The following SHISA9 variants were observed in gnomAD, a reference collection of about 807,000 sequenced individuals.
The protein encoded by SHISA9 is shisa family member 9, also known as protein shisa-9.
In SHISA9, 13 loss-of-function variants were observed where a neutral mutation model predicts 38.0. The observed-to-expected ratio is 0.34, with a 90% confidence interval of 0.22 to 0.54. The LOEUF (loss-of-function observed/expected upper bound fraction) is 0.54. Ranked by LOEUF, SHISA9 falls within the 20% of genes least tolerant of loss-of-function variation. The pLI is 0.91. For synonymous variants in SHISA9, 275 were observed against 242.0 expected (o/e 1.14, Z -1.27); for missense variants, 538 against 575.8 (o/e 0.93, Z 0.67).
At chr16:13,456,209 G>A in the SHISA9 span, among the ~76,000 whole-genome samples, 3 of 152,172 alleles carry the variant, frequency 2.0e-5, no homozygotes, top group Non-Finnish European at 4.4e-5. Flanking sequence ...CGGGACACAT[G>A]ACGGGACTTT....
intron 4 of SHISA9, among the ~76,000 whole-genome samples, chr16:13,220,220 G>A (rs1033058917): frequency 7.9e-5 from 12 of 152,196 alleles, no homozygotes; most frequent in Admixed American, 5.9e-4. Flanking sequence ...CTCTCTGGGA[G>A]TTGGCTGGAT....
chr16:13,108,305 T>C (rs1299511854), intron 2 of SHISA9, among the ~76,000 whole-genome samples: 1 of 152,138 alleles, frequency 6.6e-6, no homozygotes. Flanking sequence ...ATTGTTTTGT[T>C]TTTTTGTAGA....
the SHISA9 span, among the ~76,000 whole-genome samples, chr16:13,363,286 T>C: frequency 6.6e-6 from 1 of 152,260 alleles, no homozygotes; most frequent in African/African-American, 2.4e-5. Flanking sequence ...CTCTGGACTA[T>C]AGTATCTTTG....
chr16:13,094,407 G>A (rs573716298), intron 2 of SHISA9, among the ~76,000 whole-genome samples: 2 of 152,004 alleles, frequency 1.3e-5, no homozygotes, highest in South Asian at 2.1e-4. Context: ...GGAAATTACC[G>A]AATTTGCATT....
At chr16:13,528,710 C>G in the SHISA9 span, among the ~76,000 whole-genome samples, 1 of 152,188 alleles carries the variant, frequency 6.6e-6, no homozygotes, top group Non-Finnish European at 1.5e-5. Context: ...ACCAGTTAAT[C>G]TCCCCACGGT....
intron 2 of SHISA9, among the ~76,000 whole-genome samples, chr16:12,924,303 A>T (rs2071367304): frequency 6.6e-6 from 1 of 152,168 alleles, no homozygotes; most frequent in South Asian, 2.1e-4. Context: ...TGTATTGCCA[A>T]TGTCTAGACA....
At chr16:13,484,977 G>A in the SHISA9 span, among the ~76,000 whole-genome samples, 285 of 152,088 alleles carry the variant, frequency 1.9e-3, no homozygotes, top group African/African-American at 6.4e-3. Flanking sequence ...GCTCCTGCAT[G>A]GTATGTGTAT....
At chr16:12,953,879 A>G (rs2141779978) in intron 2 of SHISA9, among the ~76,000 whole-genome samples, 1 of 152,266 alleles carries the variant, frequency 6.6e-6, no homozygotes. Flanking sequence ...AGAAAGAGTG[A>G]GCTAGGAAGT....
Position 12,902,225 on chromosome 16 carries a change from C to T in SHISA9, c.161C>T (p.Ala54Val), listed in dbSNP as rs2071027026. The change falls in exon 1 of 5, where the codon GCC becomes GTC. Residue 54 changes from alanine (A) to valine (V), a missense_variant. Transcript: ENST00000558583. ...GNRSGAASGE[A>V]SEGAEASDAP... ...CGCTCCGGGGCCGCCTCCGGAGAGG[C>T]CAGCGAGGGCGCTGAGGCATCGGAC... 2 of 1,538,872 alleles carry T rather than the reference C, an allele frequency of 1.3e-6. No individual in the cohort carries two copies. The highest frequency in any genetic ancestry group is 1.7e-6 in the Non-Finnish European group (2 of 1,145,770).
chr16:13,487,132 T>G, the SHISA9 span, among the ~76,000 whole-genome samples: 1 of 152,244 alleles, frequency 6.6e-6, no homozygotes, highest in Non-Finnish European at 1.5e-5. Context: ...GCTTGTACAG[T>G]CATCCCTTGC....
the SHISA9 span, among the ~76,000 whole-genome samples, chr16:13,286,817 T>C: frequency 6.6e-6 from 1 of 152,328 alleles, no homozygotes; most frequent in South Asian, 2.1e-4. Flanking sequence ...ATAAAAATGA[T>C]GCTTCTTAGT....
At chr16:13,159,154 T>C (rs2050574379) in intron 2 of SHISA9, among the ~76,000 whole-genome samples, 1 of 151,646 alleles carries the variant, frequency 6.6e-6, no homozygotes, top group Admixed American at 6.6e-5. Flanking sequence ...TCAACTACAA[T>C]GTGGATTCCT....
the SHISA9 span, among the ~76,000 whole-genome samples, chr16:13,280,630 TTTAA>T: frequency 4.0e-5 from 6 of 151,880 alleles, no homozygotes; most frequent in East Asian, 1.2e-3. Flanking sequence ...TTATTTCTTA[TTTAA>T]TTATGTTGTA....
intron 2 of SHISA9, among the ~76,000 whole-genome samples, chr16:12,988,910 G>A (rs979636783): frequency 5.3e-5 from 8 of 152,160 alleles, no homozygotes; most frequent in Admixed American, 3.9e-4. Flanking sequence ...ATTCACCTGA[G>A]TACTTACAAC....
chr16:12,909,324 C>G, intron 1 of SHISA9: 1 of 985,424 alleles, frequency 1.0e-6, no homozygotes, highest in Non-Finnish European at 1.2e-6. Context: ...AGAAAGCTCA[C>G]TCATGCCCAT....
the SHISA9 span, among the ~76,000 whole-genome samples, chr16:13,431,572 AT>A: frequency 1.3e-5 from 2 of 152,056 alleles, no homozygotes; most frequent in African/African-American, 4.8e-5. Context: ...TTGTCTTTTT[AT>A]TTTTTTTCCA....
intron 2 of SHISA9, among the ~76,000 whole-genome samples, chr16:12,926,249 T>A (rs754001703): frequency 6.6e-6 from 1 of 152,216 alleles, no homozygotes; most frequent in Non-Finnish European, 1.5e-5. Flanking sequence ...GGACCTATAC[T>A]GGGCGATATA....
At chr16:13,431,884 C>T in the SHISA9 span, among the ~76,000 whole-genome samples, 1 of 152,048 alleles carries the variant, frequency 6.6e-6, no homozygotes. Flanking sequence ...AACATAGAGA[C>T]ACCTCATCTC....
intron 2 of SHISA9, among the ~76,000 whole-genome samples, chr16:12,928,889 TAAAC>T (rs946907116): frequency 6.6e-6 from 1 of 152,242 alleles, no homozygotes; most frequent in East Asian, 1.9e-4. Flanking sequence ...ATAAGCATAT[TAAAC>T]AAACTGTTTC....
Sources: allele counts gnomAD v4.1 joint callset (sites outside exome capture counted in the v4.1 genomes callset), GRCh38; gene constraint gnomAD v4.1.1; transcripts MANE v1.5; gene names NCBI Gene and HGNC (gene_info 2026-07-23, HGNC 2026-07-21).